The following RPS6KC1 variants were observed in gnomAD, a reference collection of about 807,000 sequenced individuals.
The protein encoded by RPS6KC1 is ribosomal protein S6 kinase C1.
A neutral mutation model predicts 103.8 loss-of-function variants in RPS6KC1; 54 were observed. That is an observed-to-expected ratio of 0.52 (90% CI 0.42 to 0.65). The LOEUF (loss-of-function observed/expected upper bound fraction) is 0.65. Among genes scored for constraint, RPS6KC1 ranks in the 30% least tolerant of loss-of-function variants. The pLI is 0.00. For missense variants in RPS6KC1, 1,151 were observed against 1,253.8 expected, an observed-to-expected ratio of 0.92 and a Z score of 1.24; for synonymous variants, 439 against 438.7, an observed-to-expected ratio of 1.00 and a Z score of -0.01.
the RPS6KC1 span, among the ~76,000 whole-genome samples, chr1:213,331,904 T>C: frequency 6.6e-6 from 1 of 152,002 alleles, no homozygotes; most frequent in Non-Finnish European, 1.5e-5. Flanking sequence ...CTTTTTACTC[T>C]CCTCTCCATG....
chr1:213,065,058 C>G (rs1390563706), intron 1 of RPS6KC1, among the ~76,000 whole-genome samples: 3 of 134,810 alleles, frequency 2.2e-5, no homozygotes, highest in South Asian at 5.2e-4. Flanking sequence ...CTCACTGCAA[C>G]CTCTGCCTCC....
At chr1:213,242,716 C>A in intron 12 of RPS6KC1, 58 bp downstream of exon 12, 1 of 1,233,144 alleles carries the variant, frequency 8.1e-7, no homozygotes, top group Non-Finnish European at 1.2e-6. Context: ...GCTCTCATTT[C>A]TTTATAGAAG....
chr1:213,378,476 T>C, the RPS6KC1 span, among the ~76,000 whole-genome samples: 1 of 152,216 alleles, frequency 6.6e-6, no homozygotes, highest in East Asian at 1.9e-4. Flanking sequence ...CATTCGTGTT[T>C]TTCTCGTCTT....
the RPS6KC1 span, among the ~76,000 whole-genome samples, chr1:213,303,434 G>A: frequency 1.3e-5 from 2 of 152,128 alleles, no homozygotes; most frequent in Admixed American, 6.6e-5. Context: ...CAGCTCTGAG[G>A]TGACTTGGAT....
the RPS6KC1 span, among the ~76,000 whole-genome samples, chr1:213,662,428 A>ATTTTTTTTTTTTTTTTTTTTT: frequency 2.5e-5 from 3 of 120,958 alleles, no homozygotes; most frequent in Non-Finnish European, 3.4e-5. Context: ...CACCTGGCTA[A>ATTTTTTTTTTTTTTTTTTTTT]TTTTTTTTTT....
At chr1:213,155,759 GT>G (rs2089817069) in intron 6 of RPS6KC1, among the ~76,000 whole-genome samples, 1 of 152,120 alleles carries the variant, frequency 6.6e-6, no homozygotes, top group African/African-American at 2.4e-5. Flanking sequence ...TTATGAAGGT[GT>G]TTTTTTCTGT....
chr1:213,102,628 G>A (rs1387083933), intron 3 of RPS6KC1, among the ~76,000 whole-genome samples: 2 of 152,042 alleles, frequency 1.3e-5, no homozygotes, highest in African/African-American at 4.8e-5. Context: ...TAAAAATTGA[G>A]GAAGAAAGCA....
chr1:213,188,999 A>G (rs2148448411), intron 8 of RPS6KC1, among the ~76,000 whole-genome samples: 1 of 152,342 alleles, frequency 6.6e-6, no homozygotes, highest in East Asian at 1.9e-4. Flanking sequence ...TGGTGCTGGT[A>G]TAGAGACACA....
chr1:213,824,025 T>C, the RPS6KC1 span, among the ~76,000 whole-genome samples: 1 of 152,188 alleles, frequency 6.6e-6, no homozygotes, highest in African/African-American at 2.4e-5. Flanking sequence ...TCTCTAGCGA[T>C]GCTATCCATA....
the RPS6KC1 span, among the ~76,000 whole-genome samples, chr1:213,811,579 G>A: frequency 4.4e-4 from 67 of 152,360 alleles, 2 homozygotes; most frequent in Middle Eastern, 6.8e-3. Flanking sequence ...GGAGTGATCA[G>A]GAGTCATCTT....
chr1:213,803,502 C>T, the RPS6KC1 span, among the ~76,000 whole-genome samples: 2 of 152,164 alleles, frequency 1.3e-5, no homozygotes, highest in African/African-American at 4.8e-5. Context: ...CCGCCTCGGC[C>T]TCCCAAAGTG....
intron 8 of RPS6KC1, among the ~76,000 whole-genome samples, chr1:213,195,703 G>T (rs879635654): frequency 6.6e-6 from 1 of 152,034 alleles, no homozygotes; most frequent in African/African-American, 2.4e-5. Context: ...AAGTGAGAAC[G>T]TATGATGTTT....
chr1:213,832,857 T>C, the RPS6KC1 span, among the ~76,000 whole-genome samples: 1 of 152,198 alleles, frequency 6.6e-6, no homozygotes, highest in African/African-American at 2.4e-5. Flanking sequence ...AGTCTTGGCC[T>C]GCAGTGACAA....
intron 1 of RPS6KC1, among the ~76,000 whole-genome samples, chr1:213,059,390 G>A (rs1366220403): frequency 7.2e-5 from 11 of 152,162 alleles, no homozygotes; most frequent in Non-Finnish European, 1.6e-4. Context: ...GTCTTGAATA[G>A]GAGTGGTGAG....
the RPS6KC1 span, among the ~76,000 whole-genome samples, chr1:213,288,768 A>G: frequency 5.3e-5 from 8 of 152,152 alleles, no homozygotes; most frequent in African/African-American, 1.7e-4. Flanking sequence ...GATTGGATCT[A>G]TTGGATCCTG....
At chr1:213,551,581 A>C in the RPS6KC1 span, among the ~76,000 whole-genome samples, 1 of 152,260 alleles carries the variant, frequency 6.6e-6, no homozygotes, top group Non-Finnish European at 1.5e-5. Flanking sequence ...TTCACAGCAA[A>C]ACTAAGCAGA....
intron 13 of RPS6KC1, 119 bp from the exon 14 acceptor site, chr1:213,262,602 T>A: frequency 1.4e-6 from 1 of 719,442 alleles, no homozygotes; most frequent in Non-Finnish European, 2.5e-6. Flanking sequence ...CTGTGTTGAT[T>A]ACTACACTTC....
intron 8 of RPS6KC1, among the ~76,000 whole-genome samples, chr1:213,191,860 G>A (rs2092759340): frequency 6.6e-6 from 1 of 152,022 alleles, no homozygotes; most frequent in Admixed American, 6.6e-5. Flanking sequence ...CTCGGCTGGA[G>A]TGCAGTGGCA....
At chr1:213,136,685 G>GTAAA (rs1163334281) in intron 6 of RPS6KC1, among the ~76,000 whole-genome samples, 1 of 151,998 alleles carries the variant, frequency 6.6e-6, no homozygotes, top group East Asian at 1.9e-4. Context: ...ATACAGAAAA[G>GTAAA]TAAATATCAT....
Sources: gnomAD v4.1 joint callset for allele counts (sites outside exome capture counted in the v4.1 genomes callset) on GRCh38, gnomAD v4.1.1 for gene constraint, MANE v1.5 for transcripts, NCBI Gene and HGNC (gene_info 2026-07-23, HGNC 2026-07-21) for gene names.